The following PDE4D variants were observed in gnomAD, a reference collection of about 807,000 sequenced individuals.
PDE4D encodes the protein phosphodiesterase 4D, also known as 3',5'-cyclic-AMP phosphodiesterase 4D.
In PDE4D, 24 loss-of-function variants were observed where a neutral mutation model predicts 87.4. The observed-to-expected ratio is 0.27, with a 90% confidence interval of 0.20 to 0.39. PDE4D has a LOEUF of 0.39. Ranked by LOEUF, PDE4D falls within the 10% of genes least tolerant of loss-of-function variation. The pLI is 1.00. For missense variants in PDE4D, 714 were observed against 1,041.0 expected (o/e 0.69, Z 4.32); for synonymous variants, 384 against 383.2 (o/e 1.00, Z -0.02).
chr5:59,603,737 C>T (rs1402747002), intron 1 of PDE4D, among the ~76,000 whole-genome samples: 1 of 151,776 alleles, frequency 6.6e-6, no homozygotes, highest in African/African-American at 2.4e-5. Flanking sequence ...TGGTAATTAC[C>T]AGGGGCTGGG....
intron 5 of PDE4D, among the ~76,000 whole-genome samples, chr5:59,103,292 A>G (rs1279960161): frequency 6.6e-6 from 1 of 152,146 alleles, no homozygotes; most frequent in African/African-American, 2.4e-5. Context: ...AGGGCCCAGA[A>G]CATACCTAAT....
chr5:60,412,829 C>T (rs1742154057), intron 1 of PDE4D, among the ~76,000 whole-genome samples: 1 of 152,054 alleles, frequency 6.6e-6, no homozygotes, highest in African/African-American at 2.4e-5. Context: ...TTTGCCAAAG[C>T]CTATAGCATT....
rs145248169 is a variant in PDE4D at position 59,675,903 on chromosome 5, G to A, written c.455+217265C>T. Among the ~76,000 whole-genome samples the A allele has an allele frequency of 3.5e-3, 529 of 152,126 alleles. 4 individuals carry two copies. The highest frequency in any genetic ancestry group is 0.012 in the African/African-American group (512 of 41,498). On this transcript the variant is annotated intron_variant, in intron 1 of 14. Transcript: ENST00000340635. Reference sequence around the variant, plus strand: ...GACAGGGTCTCACTATGTTGCCCTGGCTGATCTCAAAATCCTGGGCTCCAA... The same window carrying A: ...GACAGGGTCTCACTATGTTGCCCTGACTGATCTCAAAATCCTGGGCTCCAA...
chr5:60,252,058 G>A (rs746299646), intron 1 of PDE4D, among the ~76,000 whole-genome samples: 2 of 151,946 alleles, frequency 1.3e-5, no homozygotes, highest in Non-Finnish European at 2.9e-5. Context: ...AGCTGTACAG[G>A]TTTGTAGTCT....
chr5:59,769,352 T>C (rs184503740), intron 1 of PDE4D, among the ~76,000 whole-genome samples: 1 of 152,330 alleles, frequency 6.6e-6, no homozygotes, highest in Admixed American at 6.5e-5. Flanking sequence ...ACAAATGATA[T>C]GTTTTCTCTT....
chr5:59,430,227 G>A, intron 1 of PDE4D: 1 of 1,214,204 alleles, frequency 8.2e-7, no homozygotes, highest in Non-Finnish European at 1.0e-6. Flanking sequence ...GACATCCAAA[G>A]CAGTTACCAA....
chr5:60,024,571 G>A (rs911259756), intron 2 of PDE4D, among the ~76,000 whole-genome samples: 1 of 152,132 alleles, frequency 6.6e-6, no homozygotes, highest in Non-Finnish European at 1.5e-5. Flanking sequence ...CTTGAAGCAT[G>A]GGGTACATCA....
At chr5:59,590,612 G>A (rs1418377188) in intron 1 of PDE4D, among the ~76,000 whole-genome samples, 1 of 152,036 alleles carries the variant, frequency 6.6e-6, no homozygotes. Context: ...TTATTAGCAG[G>A]GCACCACAAA....
At chr5:59,713,389 G>A (rs928089703) in intron 1 of PDE4D, among the ~76,000 whole-genome samples, 1 of 152,176 alleles carries the variant, frequency 6.6e-6, no homozygotes, top group African/African-American at 2.4e-5. Context: ...ACATGAGCTT[G>A]TAACTGGCTC....
intron 1 of PDE4D, among the ~76,000 whole-genome samples, chr5:59,870,396 C>A (rs182151900): frequency 6.6e-6 from 1 of 152,174 alleles, no homozygotes; most frequent in African/African-American, 2.4e-5. Context: ...AACAAATGCA[C>A]ATGTTCAGTT....
intron 5 of PDE4D, among the ~76,000 whole-genome samples, chr5:59,064,978 C>A (rs1388220157): frequency 6.6e-6 from 1 of 151,794 alleles, no homozygotes; most frequent in Non-Finnish European, 1.5e-5. Context: ...GAGATATTTT[C>A]ACTGCAGCAT....
chr5:59,545,949 T>A (rs543465690), intron 1 of PDE4D, among the ~76,000 whole-genome samples: 1 of 152,298 alleles, frequency 6.6e-6, no homozygotes, highest in African/African-American at 2.4e-5. Flanking sequence ...TTGCATTAAC[T>A]CTCTTTCCAA....
chr5:59,462,616 G>A (rs1286583628), intron 1 of PDE4D, among the ~76,000 whole-genome samples: 1 of 152,120 alleles, frequency 6.6e-6, no homozygotes, highest in Non-Finnish European at 1.5e-5. Context: ...CACAGATGGA[G>A]GGCCCTTGCA....
intron 1 of PDE4D, among the ~76,000 whole-genome samples, chr5:60,483,225 T>G (rs1289601583): frequency 6.6e-6 from 1 of 152,280 alleles, no homozygotes. Flanking sequence ...TGCAGTGATA[T>G]AATCATGACT....
At chr5:59,390,686 G>GT (rs1305079975) in intron 1 of PDE4D, among the ~76,000 whole-genome samples, 1 of 152,124 alleles carries the variant, frequency 6.6e-6, no homozygotes, top group Non-Finnish European at 1.5e-5. Context: ...GACCTTATAA[G>GT]TTGTTGTGAC....
intron 1 of PDE4D, among the ~76,000 whole-genome samples, chr5:60,467,941 C>A (rs1030546286): frequency 6.6e-6 from 1 of 152,142 alleles, no homozygotes; most frequent in African/African-American, 2.4e-5. Flanking sequence ...CAGGCTCCTC[C>A]TCTGACACAT....
chr5:60,336,507 T>C (rs1425210153), intron 1 of PDE4D, among the ~76,000 whole-genome samples: 1 of 152,210 alleles, frequency 6.6e-6, no homozygotes, highest in Non-Finnish European at 1.5e-5. Flanking sequence ...CTGAGTCCCA[T>C]TCCTCCACAA....
chr5:60,171,978 G>GT (rs1230766963), intron 2 of PDE4D, among the ~76,000 whole-genome samples: 2 of 151,046 alleles, frequency 1.3e-5, no homozygotes, highest in Middle Eastern at 3.4e-3. Context: ...TATTTTAGAC[G>GT]TAAGTATTGG....
intron 1 of PDE4D, among the ~76,000 whole-genome samples, chr5:59,457,853 G>A (rs1173722191): frequency 6.6e-6 from 1 of 152,036 alleles, no homozygotes; most frequent in Non-Finnish European, 1.5e-5. Context: ...CTGAGTTTGT[G>A]CCATTGCATT....
Sources: allele counts gnomAD v4.1 joint callset (sites outside exome capture counted in the v4.1 genomes callset), GRCh38; gene constraint gnomAD v4.1.1; transcripts MANE v1.5; gene names NCBI Gene and HGNC (gene_info 2026-07-23, HGNC 2026-07-21).